The following NAALADL2 variants were observed in gnomAD, a reference collection of about 807,000 sequenced individuals.
The protein encoded by NAALADL2 is N-acetylated alpha-linked acidic dipeptidase like 2.
NAALADL2 carries 76 observed loss-of-function variants against 87.2 expected under a neutral mutation model. The observed-to-expected ratio is 0.87, with a 90% CI of 0.72 to 1.05. NAALADL2 has a LOEUF of 1.05. NAALADL2 is among the 50% of genes least tolerant of loss of function. The pLI is 0.00. For synonymous variants in NAALADL2, 354 were observed against 331.0 expected (o/e 1.07, Z -0.75); for missense variants, 1,089 against 945.8 (o/e 1.15, Z -1.99).
chr3:175,435,855 T>TA (rs1560545356), intron 5 of NAALADL2, among the ~76,000 whole-genome samples: 1 of 151,574 alleles, frequency 6.6e-6, no homozygotes, highest in Non-Finnish European at 1.5e-5. Context: ...GTAGTACTTT[T>TA]TTTTTTTTTT....
At chr3:175,468,500 AGAAACAAT>A (rs1724416747) in intron 8 of NAALADL2, among the ~76,000 whole-genome samples, 1 of 152,090 alleles carries the variant, frequency 6.6e-6, no homozygotes, top group African/African-American at 2.4e-5. Context: ...TTAATACATC[AGAAACAAT>A]GAAATTAATG....
intron 2 of NAALADL2, among the ~76,000 whole-genome samples, chr3:175,150,693 T>A (rs2108780097): frequency 6.6e-6 from 1 of 152,304 alleles, no homozygotes. Flanking sequence ...GTAGGCATTT[T>A]CAGGTACAAA....
intron 13 of NAALADL2, among the ~76,000 whole-genome samples, chr3:175,788,342 C>A (rs542687457): frequency 6.6e-6 from 1 of 152,064 alleles, no homozygotes; most frequent in Non-Finnish European, 1.5e-5. Context: ...TCCACCACCT[C>A]AGCCTCCCAA....
intron 2 of NAALADL2, among the ~76,000 whole-genome samples, chr3:175,215,370 C>T (rs1226063126): frequency 6.6e-6 from 1 of 152,124 alleles, no homozygotes; most frequent in African/African-American, 2.4e-5. Context: ...CCCTTGTCTC[C>T]TCCCACGATA....
At chr3:175,355,024 G>A (rs778376360) in intron 5 of NAALADL2, among the ~76,000 whole-genome samples, 458 of 29,274 alleles carry the variant, frequency 0.016, 4 homozygotes, top group African/African-American at 0.029. Flanking sequence ...ATATATATAT[G>A]TGTGTGTGTG....
chr3:174,971,142 A>C (rs964817469), intron 1 of NAALADL2, among the ~76,000 whole-genome samples: 4 of 152,068 alleles, frequency 2.6e-5, no homozygotes, highest in Non-Finnish European at 5.9e-5. Context: ...TAGCAGGGGG[A>C]AAGACTGGCC....
At chr3:174,570,801 A>G (rs1714837481) in intron 2 of NAALADL2, among the ~76,000 whole-genome samples, 2 of 152,140 alleles carry the variant, frequency 1.3e-5, no homozygotes, top group Non-Finnish European at 2.9e-5. Context: ...TGCATTTTGG[A>G]TAATACTAAT....
chr3:175,600,442 A>T (rs1722800449), intron 10 of NAALADL2, among the ~76,000 whole-genome samples: 1 of 150,404 alleles, frequency 6.6e-6, no homozygotes, highest in South Asian at 2.1e-4. Flanking sequence ...CGTAAGCTTG[A>T]AATGAATTAA....
chr3:175,743,397 A>G (rs904511377), intron 12 of NAALADL2, among the ~76,000 whole-genome samples: 11 of 152,334 alleles, frequency 7.2e-5, no homozygotes, highest in Middle Eastern at 3.4e-3. Flanking sequence ...CCAAGGTGCC[A>G]TATTTTGGGA....
chr3:175,424,443 T>C (rs1716434191), intron 5 of NAALADL2, among the ~76,000 whole-genome samples: 1 of 152,170 alleles, frequency 6.6e-6, no homozygotes, highest in Admixed American at 6.5e-5. Context: ...GTATAAGGTG[T>C]AAGGAAGGGA....
intron 13 of NAALADL2, among the ~76,000 whole-genome samples, chr3:175,794,873 G>C (rs1753263770): frequency 6.6e-6 from 1 of 152,190 alleles, no homozygotes; most frequent in African/African-American, 2.4e-5. Flanking sequence ...TTAAACAACA[G>C]ACATTTATTT....
intron 9 of NAALADL2, among the ~76,000 whole-genome samples, chr3:175,541,053 G>T (rs908424439): frequency 2.0e-5 from 3 of 152,146 alleles, no homozygotes; most frequent in African/African-American, 7.2e-5. Flanking sequence ...ACTTTCAGAT[G>T]AAGACCTCAA....
chr3:175,388,834 A>C (rs1581689952), intron 5 of NAALADL2, among the ~76,000 whole-genome samples: 1 of 152,150 alleles, frequency 6.6e-6, no homozygotes, highest in Non-Finnish European at 1.5e-5. Flanking sequence ...CCAAATCATA[A>C]TATCAGTTAC....
chr3:175,130,176 T>TTG (rs1436736144), intron 2 of NAALADL2, among the ~76,000 whole-genome samples: 2 of 149,772 alleles, frequency 1.3e-5, no homozygotes, highest in Non-Finnish European at 1.5e-5. Flanking sequence ...TCATATCGGG[T>TTG]TGTATAAGTC....
chr3:175,344,670 G>A (rs1325323585), intron 5 of NAALADL2, among the ~76,000 whole-genome samples: 3 of 151,948 alleles, frequency 2.0e-5, no homozygotes, highest in East Asian at 1.9e-4. Context: ...ACTGTTCCCT[G>A]CCTTATCCAG....
chr3:174,597,948 T>G (rs1358189017), intron 2 of NAALADL2, among the ~76,000 whole-genome samples: 1 of 152,174 alleles, frequency 6.6e-6, no homozygotes, highest in Non-Finnish European at 1.5e-5. Flanking sequence ...CTTATCACTT[T>G]CTCTCTTGTA....
chr3:175,262,916 A>T (rs959852157), intron 4 of NAALADL2, among the ~76,000 whole-genome samples: 3 of 151,706 alleles, frequency 2.0e-5, no homozygotes, highest in African/African-American at 7.3e-5. Context: ...AAAAGCAAAC[A>T]CTATCTTGGT....
chr3:174,788,285 C>G (rs1427361939), intron 3 of NAALADL2, among the ~76,000 whole-genome samples: 1 of 149,330 alleles, frequency 6.7e-6, no homozygotes. Context: ...TCAGATGTGA[C>G]ATTATTGGGT....
chr3:175,172,204 AT>A (rs1212266393), intron 2 of NAALADL2, among the ~76,000 whole-genome samples: 1 of 152,132 alleles, frequency 6.6e-6, no homozygotes, highest in African/African-American at 2.4e-5. Context: ...AAAAAGATAC[AT>A]TGATAATGTA....
Sources: allele counts gnomAD v4.1 joint callset (sites outside exome capture counted in the v4.1 genomes callset), GRCh38; gene constraint gnomAD v4.1.1; transcripts MANE v1.5; gene names NCBI Gene and HGNC (gene_info 2026-07-23, HGNC 2026-07-21).